TBC1D30: variants seen among roughly 807,000 people sequenced by gnomAD.
TBC1D30 encodes TBC1 domain family, member 30.
In TBC1D30, 31 loss-of-function variants were observed where a neutral mutation model predicts 63.2. The observed-to-expected ratio is 0.49, with a 90% CI of 0.37 to 0.66. The LOEUF (loss-of-function observed/expected upper bound fraction) is 0.66, where lower values mean the gene tolerates loss of function less well. Ranked by LOEUF, TBC1D30 falls within the 30% of genes least tolerant of loss-of-function variation. The probability of loss-of-function intolerance (pLI) is 0.00; values close to 1 mark genes in which losing one functional copy is unlikely to be tolerated. For missense variants in TBC1D30, 810 were observed against 953.6 expected, an observed-to-expected ratio of 0.85 and a Z score of 1.98; for synonymous variants, 307 against 361.5, an observed-to-expected ratio of 0.85 and a Z score of 1.71.
At chr12:64,799,642 A>G (rs1353910704) in intron 2 of TBC1D30, among the ~76,000 whole-genome samples, 1 of 152,256 alleles carries the variant, frequency 6.6e-6, no homozygotes, top group Non-Finnish European at 1.5e-5. Flanking sequence ...ACATGCAAGA[A>G]GAGTGCTCTT....
At chr12:64,820,194 G>A (rs1386673277), upstream of TBC1D30, among the ~76,000 whole-genome samples, 1 of 152,062 alleles carries the variant, frequency 6.6e-6, no homozygotes, top group Non-Finnish European at 1.5e-5. Context: ...GGAAATCACA[G>A]GTCTCAGACC....
chr12:64,794,986 C>T (rs757958677), intron 2 of TBC1D30, among the ~76,000 whole-genome samples: 1 of 152,112 alleles, frequency 6.6e-6, no homozygotes, highest in Non-Finnish European at 1.5e-5. Flanking sequence ...TAAGATTATA[C>T]AGGGAGGAAA....
chr12:64,773,917 A>G (rs1230291715), intron 1 of TBC1D30, among the ~76,000 whole-genome samples: 1 of 152,236 alleles, frequency 6.6e-6, no homozygotes, highest in Non-Finnish European at 1.5e-5. Flanking sequence ...CTCTCCAGCA[A>G]GGGTTTGGAA....
rs1232928993 is a variant in TBC1D30, at chr12:64,877,664, G to A, written c.*1876G>A. ...GGGAAGGCTGTAGGTGGAGAGATGG[G>A]CTTATTTTGCATACCACCCTCAGGG... is the stretch of plus-strand genomic sequence containing the variant. On this transcript the variant is annotated 3_prime_UTR_variant, in exon 12 of 12. Transcript: ENST00000539867. 10 of 152,182 alleles carry A rather than the reference G, an allele frequency of 6.6e-5. No homozygotes were observed. Among genetic ancestry groups the A allele is most frequent in the Admixed American group, 6.5e-4 (10 of 15,274 alleles). The allele number at this position is 152,182 out of a possible 1,614,324, so 9.4% of individuals were successfully genotyped here. A position where few individuals can be genotyped will look rare whatever the true frequency, so the allele number is the denominator to read the frequency against.
In TBC1D30 at chr12:64,878,081, T is replaced by G. The variant is rs1879215650; in HGVS notation, c.*2293T>G. ...GGGGATGGATGAGGTAACACACAGTTTGGGATACGTATCTGTTGAATGAAT... is the reference window on the plus strand; with the variant it reads ...GGGGATGGATGAGGTAACACACAGTGTGGGATACGTATCTGTTGAATGAAT... On this transcript the variant is annotated 3_prime_UTR_variant, in exon 12 of 12. Coordinates refer to ENST00000539867, the MANE Select transcript of TBC1D30 (RefSeq NM_015279.2). 4.9e-6 allele frequency: 1 copy of G among 202,388 alleles called. No individual in the cohort carries two copies. The highest frequency in any genetic ancestry group is 1.0e-5 in the Non-Finnish European group (1 of 97,212). The allele number at this position is 202,388 out of a possible 1,614,324, so 12.5% of individuals were successfully genotyped here.
chr12:64,870,822 T>G lies in TBC1D30; in HGVS notation c.1498+14T>G. 1 of 1,535,124 alleles carries G rather than the reference T, an allele frequency of 6.5e-7. No homozygotes were observed. Among genetic ancestry groups the G allele is most frequent in the East Asian group, 2.4e-5 (1 of 40,902 alleles). On this transcript the variant is annotated intron_variant, in intron 11 of 11. Transcript: ENST00000539867. The stretch of plus-strand genomic sequence containing the variant: ...ACATCAGGGCAGGTAATGTGATTCT[T>G]CATTTGAATCAATTTCAGCTCTATC...
chr12:64,772,491 G>A (rs1436812300), intron 1 of TBC1D30, among the ~76,000 whole-genome samples: 2 of 151,826 alleles, frequency 1.3e-5, no homozygotes, highest in African/African-American at 4.8e-5. Context: ...GTGCAGTGGC[G>A]CAATCTCGGC....
intron 5 of TBC1D30, among the ~76,000 whole-genome samples, chr12:64,833,162 T>A (rs1350292924): frequency 6.6e-6 from 1 of 152,172 alleles, no homozygotes; most frequent in Non-Finnish European, 1.5e-5. Context: ...TGGAGCAAGA[T>A]ATGGAGGAGT....
At chr12:64,778,749 C>A (rs183918718), upstream of TBC1D30, among the ~76,000 whole-genome samples, 82 of 151,990 alleles carry the variant, frequency 5.4e-4, no homozygotes, top group African/African-American at 1.9e-3. Context: ...TGGTCTCGAT[C>A]TCTTGACTTC....
rs768640192 is a variant in TBC1D30 at position 64,830,346 on chromosome 12, G to A, written c.283-31G>A. The A allele has an allele frequency of 5.3e-4, 799 of 1,494,080 alleles. 3 individuals are homozygous for A. In the Middle Eastern group the frequency reaches 0.015, roughly 29 times the overall value. 92.6% of individuals were successfully genotyped at this position (1,494,080 alleles called of 1,614,324 possible). On this transcript the variant is annotated intron_variant, in intron 3 of 11. Transcript: ENST00000539867. ...AAGGTGAAGTTATATATTCTACTTTGGCATTCTCCTTTGTCTATGTAATAT... is the reference window on the plus strand; with the variant it reads ...AAGGTGAAGTTATATATTCTACTTTAGCATTCTCCTTTGTCTATGTAATAT...
At chr12:64,850,185 G>A (rs941408492) in intron 8 of TBC1D30, among the ~76,000 whole-genome samples, 1 of 152,080 alleles carries the variant, frequency 6.6e-6, no homozygotes, top group African/African-American at 2.4e-5. Context: ...GAGATGATGG[G>A]GTTTTCTAAA....
chr12:64,766,358 A>T (rs975578286), intron 1 of TBC1D30, among the ~76,000 whole-genome samples: 3 of 140,270 alleles, frequency 2.1e-5, no homozygotes, highest in Admixed American at 1.4e-4. Context: ...GAAAAAACAT[A>T]AAGAAAATCA....
chr12:64,792,596 A>G (rs1262899185), intron 2 of TBC1D30, among the ~76,000 whole-genome samples: 1 of 152,010 alleles, frequency 6.6e-6, no homozygotes, highest in African/African-American at 2.4e-5. Context: ...TTGAGATGGA[A>G]TCTTGCTGTG....
At chr12:64,775,854 C>T (rs1871063415), upstream of TBC1D30, among the ~76,000 whole-genome samples, 8 of 152,184 alleles carry the variant, frequency 5.3e-5, no homozygotes. Context: ...GTGGCACTTA[C>T]TGTAAAATCA....
intron 11 of TBC1D30, among the ~76,000 whole-genome samples, chr12:64,871,976 T>C (rs1878694795): frequency 6.6e-6 from 1 of 152,208 alleles, no homozygotes; most frequent in African/African-American, 2.4e-5. Context: ...CAGCAAACTG[T>C]GGTCTGTAGG....
At chr12:64,760,455 C>T (rs1181155370) in intron 1 of TBC1D30, among the ~76,000 whole-genome samples, 1 of 151,936 alleles carries the variant, frequency 6.6e-6, no homozygotes, top group Non-Finnish European at 1.5e-5. Flanking sequence ...CCCAGCTACT[C>T]GGGAGGCTGA....
chr12:64,818,210 G>A (rs1215527385), intron 2 of TBC1D30, among the ~76,000 whole-genome samples: 1 of 152,120 alleles, frequency 6.6e-6, no homozygotes, highest in African/African-American at 2.4e-5. Context: ...TGGAACTAAA[G>A]AGCTGAATAG....
rs1876076937 is a variant in TBC1D30 at position 64,843,422 on chromosome 12, C to A, written c.975C>A (p.Thr325=). ...AAACAGCAGATGAATTCTACAGCAC[C>A]ATGGGGCGCCTTACCCAGGAGATGC... ...CCETADEFYS[T]MGRLTQEMLE... is the part of the protein sequence containing the mutation. The change falls in exon 8 of 12, where the codon ACC becomes ACA. Residue 325 remains threonine, a synonymous_variant. Coordinates refer to ENST00000539867, the MANE Select transcript of TBC1D30 (RefSeq NM_015279.2). 2 of 1,536,294 alleles carry A rather than the reference C, an allele frequency of 1.3e-6. No individual in the cohort carries two copies. Among genetic ancestry groups the A allele is most frequent in the Non-Finnish European group, 1.7e-6 (2 of 1,146,932 alleles).
At chr12:64,780,183 T>G (rs1200768124), upstream of TBC1D30, among the ~76,000 whole-genome samples, 3 of 152,198 alleles carry the variant, frequency 2.0e-5, no homozygotes, top group Admixed American at 1.3e-4. Context: ...CGTTATTAAG[T>G]CCCAGATATT....
Sources: allele counts gnomAD v4.1 joint callset (sites outside exome capture counted in the v4.1 genomes callset), GRCh38; gene constraint gnomAD v4.1.1; transcripts MANE v1.5; gene names NCBI Gene and HGNC (gene_info 2026-07-23, HGNC 2026-07-21).